Variants in DPH5 observed in about 807,000 individuals in gnomAD.
DPH5 encodes diphthine methyl ester synthase.
In DPH5, 31 loss-of-function variants were observed where a neutral mutation model predicts 31.6. The observed-to-expected ratio is 0.98, with a 90% CI of 0.74 to 1.32. The LOEUF (loss-of-function observed/expected upper bound fraction) is 1.32, where lower values mean the gene tolerates loss of function less well. Among genes scored for constraint, DPH5 ranks in the 40% most tolerant of loss-of-function variants. The probability of loss-of-function intolerance (pLI) is 0.00; values close to 1 mark genes in which losing one functional copy is unlikely to be tolerated. For missense variants in DPH5, 309 were observed against 335.7 expected (o/e 0.92, Z 0.62); for synonymous variants, 120 against 115.0 (o/e 1.04, Z -0.28).
At chr1:100,999,911 G>A (rs918588264) in intron 5 of DPH5, among the ~76,000 whole-genome samples, 17 of 151,982 alleles carry the variant, frequency 1.1e-4, no homozygotes, top group Non-Finnish European at 2.1e-4. Flanking sequence ...TTAGGAGGCC[G>A]AGGCGGGTGG....
intron 2 of DPH5, chr1:101,023,115 C>A (rs989554593): frequency 6.6e-6 from 1 of 152,162 alleles, no homozygotes; most frequent in African/African-American, 2.4e-5. Flanking sequence ...ATTGCTTGAA[C>A]CCGAGAGGCA....
chr1:101,014,081 A>G (rs943234584), intron 3 of DPH5, among the ~76,000 whole-genome samples: 1 of 152,190 alleles, frequency 6.6e-6, no homozygotes, highest in Admixed American at 6.5e-5. Flanking sequence ...TTACTTGCCC[A>G]CTGTCCTGTA....
intron 3 of DPH5, among the ~76,000 whole-genome samples, chr1:101,019,407 T>C (rs1660299153): frequency 6.6e-6 from 1 of 152,184 alleles, no homozygotes; most frequent in South Asian, 2.1e-4. Context: ...AGTATGCCAC[T>C]GAACTGTACA....
At chr1:100,991,353 G>A (rs1050416628) in intron 7 of DPH5, among the ~76,000 whole-genome samples, 1 of 152,138 alleles carries the variant, frequency 6.6e-6, no homozygotes, top group Non-Finnish European at 1.5e-5. Flanking sequence ...TGATCAAAAG[G>A]GGGCAAATGG....
intron 3 of DPH5, among the ~76,000 whole-genome samples, chr1:101,018,049 T>G (rs1165040299): frequency 6.6e-6 from 1 of 152,220 alleles, no homozygotes; most frequent in Non-Finnish European, 1.5e-5. Flanking sequence ...TATATGGCTC[T>G]ATCTAAAATC....
At chr1:100,995,625 T>G in intron 5 of DPH5, 1 of 156,216 alleles carries the variant, frequency 6.4e-6, no homozygotes, top group East Asian at 1.9e-4. Flanking sequence ...TAAGTATTCA[T>G]GCTTTTAACA....
At chr1:101,006,883 A>G (rs1200255565) in intron 4 of DPH5, among the ~76,000 whole-genome samples, 1 of 152,252 alleles carries the variant, frequency 6.6e-6, no homozygotes, top group East Asian at 1.9e-4. Flanking sequence ...ACATTTCACA[A>G]TGATAGGAAA....
At chr1:100,998,381 G>T (rs932946291) in intron 5 of DPH5, among the ~76,000 whole-genome samples, 5 of 151,830 alleles carry the variant, frequency 3.3e-5, no homozygotes, top group Non-Finnish European at 7.4e-5. Context: ...CATGGTAGCA[G>T]ACTTCTGTAA....
At chr1:101,013,581 C>T (rs1659850394) in intron 4 of DPH5, 129 bp downstream of exon 4, 2 of 612,146 alleles carry the variant, frequency 3.3e-6, no homozygotes, top group South Asian at 5.4e-5. Flanking sequence ...TATGTATATA[C>T]TAAGCAGCCT....
At position 100,990,601 on chromosome 1, in the gene DPH5, A is replaced by G. The variant is rs1386096168; in HGVS notation, c.665T>C (p.Leu222Ser). Residue 222 changes from leucine to serine, a missense_variant, in exon 8 of 8, where the codon TTA (leucine) becomes TCA (serine). By Grantham distance (145) the Leu-to-Ser change is moderately radical (BLOSUM62 -2). Coordinates refer to ENST00000370109, the MANE Select transcript of DPH5 (RefSeq NM_015958.3). ...AVTEETLCVG[L>S]ARVGADDQKI... ...CTGGTCGTCGGCTCCAACCCTGGCT[A>G]AGCCAACACAAAGTGTCTCCTCGGT... 6.2e-7 allele frequency: 1 copy of G among 1,613,988 alleles called. No homozygotes were observed. Among genetic ancestry groups the G allele is most frequent in the Non-Finnish European group, 8.5e-7 (1 of 1,179,992 alleles).
intron 4 of DPH5, among the ~76,000 whole-genome samples, chr1:101,001,790 T>C (rs1480148395): frequency 6.6e-6 from 1 of 152,138 alleles, no homozygotes; most frequent in Non-Finnish European, 1.5e-5. Flanking sequence ...TAGTAGTAAG[T>C]AAGTTTCAGT....
chr1:101,009,608 A>G (rs1052701533), intron 4 of DPH5, among the ~76,000 whole-genome samples: 4 of 152,204 alleles, frequency 2.6e-5, no homozygotes, highest in Admixed American at 2.6e-4. Context: ...CCTCTAAATG[A>G]CTGTAATTTA....
At chr1:101,011,048 G>A (rs1486094544) in intron 4 of DPH5, among the ~76,000 whole-genome samples, 2 of 152,096 alleles carry the variant, frequency 1.3e-5, no homozygotes, top group East Asian at 1.9e-4. Flanking sequence ...TAAATACTAA[G>A]TCTGAGAACC....
In DPH5 at chr1:101,013,704, C is replaced by A; in HGVS notation, c.369+6G>T. 6.4e-7 allele frequency: 1 copy of A among 1,553,708 alleles called. No individual in the cohort carries two copies. Among genetic ancestry groups the A allele is most frequent in the Non-Finnish European group, 8.7e-7 (1 of 1,144,584 alleles). ...TTCCACTGAAAAACCTCCTTTGTTG[C>A]ATTACCTGTAAACCACAGCAGCCTA... On this transcript the variant is annotated splice_donor_region_variant and intron_variant, in intron 4 of 7. Transcript: ENST00000370109.
At chr1:101,018,012 C>T (rs1394852081) in intron 3 of DPH5, among the ~76,000 whole-genome samples, 2 of 152,140 alleles carry the variant, frequency 1.3e-5, no homozygotes, top group Non-Finnish European at 2.9e-5. Context: ...CATACATATA[C>T]ACACAAACAA....
chr1:101,017,914 A>C (rs1302730523), intron 3 of DPH5, among the ~76,000 whole-genome samples: 1 of 152,244 alleles, frequency 6.6e-6, no homozygotes, highest in Non-Finnish European at 1.5e-5. Context: ...AAGAAAACTA[A>C]ATTAGTTACT....
At chr1:101,008,780 G>C (rs1222705174) in intron 4 of DPH5, among the ~76,000 whole-genome samples, 1 of 152,014 alleles carries the variant, frequency 6.6e-6, no homozygotes, top group South Asian at 2.1e-4. Context: ...AGCTAACTTC[G>C]TATAATTCAT....
chr1:101,001,619 C>T (rs1461275646), intron 4 of DPH5, 32 bp from the exon 5 acceptor site: 1 of 1,429,738 alleles, frequency 7.0e-7, no homozygotes, highest in Non-Finnish European at 9.7e-7. Flanking sequence ...AATGATGGAA[C>T]AATTAACTAC....
chr1:101,018,838 C>T (rs949544944), intron 3 of DPH5, among the ~76,000 whole-genome samples: 7 of 152,102 alleles, frequency 4.6e-5, no homozygotes, highest in African/African-American at 1.7e-4. Context: ...GTATCATATA[C>T]ATAAATTTAC....
Sources: gnomAD v4.1 joint callset for allele counts (sites outside exome capture counted in the v4.1 genomes callset) on GRCh38, gnomAD v4.1.1 for gene constraint, MANE v1.5 for transcripts, NCBI Gene and HGNC (gene_info 2026-07-23, HGNC 2026-07-21) for gene names.